PIK3CB: variants seen among roughly 807,000 people sequenced by gnomAD.
PIK3CB encodes phosphatidylinositol 4,5-bisphosphate 3-kinase catalytic subunit beta isoform.
In PIK3CB, 39 loss-of-function variants were observed where a neutral mutation model predicts 136.8. The ratio of observed to expected loss-of-function variants is 0.29; its 90% confidence interval spans 0.22 to 0.37. The LOEUF (loss-of-function observed/expected upper bound fraction) is 0.37, where lower values mean the gene tolerates loss of function less well. PIK3CB is among the 10% of genes least tolerant of loss of function. The probability of loss-of-function intolerance (pLI) is 1.00; values close to 1 mark genes in which losing one functional copy is unlikely to be tolerated. For synonymous variants in PIK3CB, 428 were observed against 436.6 expected (o/e 0.98, Z 0.25); for missense variants, 868 against 1,275.4 (o/e 0.68, Z 4.87).
intron 1 of PIK3CB, among the ~76,000 whole-genome samples, chr3:138,806,143 T>C (rs1379844071): frequency 6.6e-6 from 1 of 152,168 alleles, no homozygotes; most frequent in Non-Finnish European, 1.5e-5. Flanking sequence ...AATATAATTA[T>C]ACACATATCA....
chr3:138,678,212 C>T (rs1460406261), intron 19 of PIK3CB, among the ~76,000 whole-genome samples: 4 of 151,888 alleles, frequency 2.6e-5, no homozygotes, highest in Admixed American at 2.0e-4. Flanking sequence ...TGCTGGTACC[C>T]AGGAGTTTGT....
At chr3:138,693,297 T>C (rs2108511447) in intron 14 of PIK3CB, among the ~76,000 whole-genome samples, 1 of 152,200 alleles carries the variant, frequency 6.6e-6, no homozygotes, top group South Asian at 2.1e-4. Context: ...GGCTTAACCA[T>C]GTTGCCAAGG....
chr3:138,697,402 T>TA (rs1446177858), intron 13 of PIK3CB, among the ~76,000 whole-genome samples: 1 of 151,776 alleles, frequency 6.6e-6, no homozygotes, highest in African/African-American at 2.4e-5. Context: ...ATAATATAAT[T>TA]ATATAACATG....
chr3:138,823,708 T>C (rs1933660943), intron 1 of PIK3CB, among the ~76,000 whole-genome samples: 1 of 151,604 alleles, frequency 6.6e-6, no homozygotes, highest in Non-Finnish European at 1.5e-5. Context: ...TCTCAAAAAA[T>C]AATAATGAAA....
At chr3:138,782,371 C>A (rs1044545915) in intron 2 of PIK3CB, among the ~76,000 whole-genome samples, 3 of 152,182 alleles carry the variant, frequency 2.0e-5, no homozygotes, top group Admixed American at 2.0e-4. Context: ...AATGAAGAAA[C>A]GATGGAAACA....
intron 2 of PIK3CB, among the ~76,000 whole-genome samples, chr3:138,783,214 T>C (rs553201330): frequency 3.2e-4 from 48 of 152,330 alleles, no homozygotes; most frequent in African/African-American, 9.4e-4. Context: ...TGAGAATTAT[T>C]TTATTTTCAT....
At chr3:138,674,993 G>T (rs556763596) in intron 19 of PIK3CB, among the ~76,000 whole-genome samples, 1 of 152,252 alleles carries the variant, frequency 6.6e-6, no homozygotes, top group African/African-American at 2.4e-5. Flanking sequence ...GGGAGGTGGA[G>T]GTGTCAGTGA....
chr3:138,780,089 CTGAGA>C (rs1382994890), intron 2 of PIK3CB, among the ~76,000 whole-genome samples: 1 of 151,816 alleles, frequency 6.6e-6, no homozygotes, highest in Non-Finnish European at 1.5e-5. Flanking sequence ...TTCCAAGTAG[CTGAGA>C]TTACAGGCAC....
At chr3:138,776,125 G>T (rs1193009725) in intron 2 of PIK3CB, among the ~76,000 whole-genome samples, 1 of 152,010 alleles carries the variant, frequency 6.6e-6, no homozygotes, top group East Asian at 1.9e-4. Flanking sequence ...CTGAACCCCG[G>T]AGGCAAAGGT....
At chr3:138,752,953 T>C (rs2045500166) in intron 4 of PIK3CB, among the ~76,000 whole-genome samples, 1 of 152,170 alleles carries the variant, frequency 6.6e-6, no homozygotes, top group African/African-American at 2.4e-5. Flanking sequence ...GGCCAATGAA[T>C]CCATGTTTTG....
At chr3:138,705,186 CAAACAAA>C (rs2044348919) in intron 11 of PIK3CB, among the ~76,000 whole-genome samples, 2 of 55,078 alleles carry the variant, frequency 3.6e-5, no homozygotes, top group East Asian at 1.3e-3. Flanking sequence ...AAAAACAAAA[CAAACAAA>C]AAAAAAAACT....
intron 1 of PIK3CB, chr3:138,826,054 G>C: frequency 8.0e-7 from 1 of 1,251,928 alleles, no homozygotes; most frequent in African/African-American, 1.5e-5. Context: ...CAGCTTGCAA[G>C]TTTGCTGACC....
chr3:138,713,683 G>T (rs576161024), intron 9 of PIK3CB, among the ~76,000 whole-genome samples: 1 of 151,868 alleles, frequency 6.6e-6, no homozygotes, highest in South Asian at 2.1e-4. Context: ...AAGAAAAAAA[G>T]AATAAAATAA....
At chr3:138,723,754 T>A (rs544092654) in intron 8 of PIK3CB, among the ~76,000 whole-genome samples, 1 of 152,288 alleles carries the variant, frequency 6.6e-6, no homozygotes, top group South Asian at 2.1e-4. Flanking sequence ...TACTCACCAA[T>A]TAAAAATGTT....
intron 19 of PIK3CB, among the ~76,000 whole-genome samples, chr3:138,666,823 C>T (rs1462769500): frequency 6.6e-6 from 1 of 152,150 alleles, no homozygotes; most frequent in Non-Finnish European, 1.5e-5. Flanking sequence ...GAGCAGCAGT[C>T]CCTACACTCA....
chr3:138,759,250 C>G lies in PIK3CB; in HGVS notation c.94G>C (p.Val32Leu), dbSNP rs775392228. The change falls in exon 3 of 24, where the codon GTG (valine) becomes CTG (leucine). Residue 32 changes from valine (V) to leucine (L), a missense_variant. Transcript: ENST00000674063. Reference sequence around the variant, plus strand: ...ATCCCAGTGGGCAAAAGGAAATCCACAGGTATGGAGCCATCAGATGCTATC... The same window carrying G: ...ATCCCAGTGGGCAAAAGGAAATCCAGAGGTATGGAGCCATCAGATGCTATC... ...SQIASDGSIP[V>L]DFLLPTGIYI... 7 of 1,612,478 alleles carry G rather than the reference C, an allele frequency of 4.3e-6. No homozygotes were observed. The highest frequency in any genetic ancestry group is 5.9e-6 in the Non-Finnish European group (7 of 1,178,772).
chr3:138,658,804 T>C (rs1205783040), intron 21 of PIK3CB, among the ~76,000 whole-genome samples: 2 of 152,220 alleles, frequency 1.3e-5, no homozygotes, highest in African/African-American at 2.4e-5. Flanking sequence ...TAGCTTAGTG[T>C]TCTATGACCT....
chr3:138,805,357 C>A (rs756814359), intron 1 of PIK3CB, among the ~76,000 whole-genome samples: 3 of 149,904 alleles, frequency 2.0e-5, no homozygotes, highest in Non-Finnish European at 4.4e-5. Flanking sequence ...ACAACAACAA[C>A]AAAATCAGTA....
chr3:138,724,491 T>C (rs921852700), intron 8 of PIK3CB, among the ~76,000 whole-genome samples: 7 of 152,124 alleles, frequency 4.6e-5, no homozygotes, highest in African/African-American at 9.7e-5. Flanking sequence ...ATTAAGTCAT[T>C]GGCCACTGTT....
Sources: allele counts gnomAD v4.1 joint callset (sites outside exome capture counted in the v4.1 genomes callset), GRCh38; gene constraint gnomAD v4.1.1; transcripts MANE v1.5; gene names NCBI Gene and HGNC (gene_info 2026-07-23, HGNC 2026-07-21).